COL22A1: variants seen among roughly 807,000 people sequenced by gnomAD.
COL22A1 encodes collagen alpha-1(XXII) chain.
In COL22A1, 221 loss-of-function variants were observed where a neutral mutation model predicts 248.9. The ratio of observed to expected loss-of-function variants is 0.89; its 90% CI spans 0.80 to 0.99. COL22A1 has a LOEUF of 0.99. COL22A1 is among the 50% of genes least tolerant of loss of function. The probability of loss-of-function intolerance (pLI) is 0.00; values close to 1 mark genes in which losing one functional copy is unlikely to be tolerated. For synonymous variants in COL22A1, 891 were observed against 793.4 expected (o/e 1.12, Z -2.07); for missense variants, 2,240 against 2,179.0 (o/e 1.03, Z -0.56).
intron 32 of COL22A1, 83 bp downstream of exon 32, chr8:138,700,029 C>T: frequency 7.6e-7 from 1 of 1,324,180 alleles, no homozygotes; most frequent in East Asian, 2.3e-5. Flanking sequence ...CTCACCCCAC[C>T]CAGTCCAGGC....
intron 55 of COL22A1, among the ~76,000 whole-genome samples, chr8:138,614,477 C>T (rs1819148854): frequency 6.6e-6 from 1 of 152,156 alleles, no homozygotes; most frequent in Non-Finnish European, 1.5e-5. Flanking sequence ...GAAAAACACT[C>T]TAGAAAATGG....
At chr8:138,642,177 T>C (rs1489133035) in intron 47 of COL22A1, among the ~76,000 whole-genome samples, 1 of 152,208 alleles carries the variant, frequency 6.6e-6, no homozygotes, top group Admixed American at 6.5e-5. Context: ...CAGCTGTTAC[T>C]AAGGAGTATG....
chr8:138,853,313 C>CTTT (rs2131912960), intron 3 of COL22A1, among the ~76,000 whole-genome samples: 1 of 152,338 alleles, frequency 6.6e-6, no homozygotes, highest in Non-Finnish European at 1.5e-5. Context: ...GGGACAGCAA[C>CTTT]TATGTCAAAC....
chr8:138,784,578 A>T (rs1390169091), intron 12 of COL22A1, among the ~76,000 whole-genome samples: 5 of 152,204 alleles, frequency 3.3e-5, no homozygotes, highest in Non-Finnish European at 1.5e-5. Flanking sequence ...TACCCGATTA[A>T]ACACACATGC....
At chr8:138,692,566 G>A (rs923268310) in intron 35 of COL22A1, among the ~76,000 whole-genome samples, 4 of 151,638 alleles carry the variant, frequency 2.6e-5, no homozygotes, top group South Asian at 2.1e-4. Flanking sequence ...CTTGATGGCC[G>A]GGCAATGATC....
intron 7 of COL22A1, among the ~76,000 whole-genome samples, chr8:138,815,372 G>A (rs2064987493): frequency 6.6e-6 from 1 of 152,130 alleles, no homozygotes; most frequent in African/African-American, 2.4e-5. Context: ...TCTCAAGCAC[G>A]AAAGCCGAAC....
intron 36 of COL22A1, 86 bp downstream of exon 36, chr8:138,690,735 T>A: frequency 9.4e-7 from 1 of 1,066,440 alleles, no homozygotes. Context: ...CTTACTCCCA[T>A]GTATCCTACG....
At chr8:138,762,925 G>A (rs10103379) in intron 16 of COL22A1, among the ~76,000 whole-genome samples, 80,838 of 152,122 alleles carry the variant, frequency 0.53, 24,125 homozygotes, top group East Asian at 0.79. Flanking sequence ...GCTGGCTAGC[G>A]GTAAGCCACC....
chr8:138,764,084 C>T (rs1372184796), intron 16 of COL22A1, among the ~76,000 whole-genome samples: 3 of 152,132 alleles, frequency 2.0e-5, no homozygotes, highest in South Asian at 2.1e-4. Context: ...CTGCTTTTTC[C>T]GTTTGAGGTT....
chr8:138,690,591 T>C (rs970710590), intron 36 of COL22A1, among the ~76,000 whole-genome samples: 6 of 152,164 alleles, frequency 3.9e-5, no homozygotes, highest in Non-Finnish European at 8.8e-5. Flanking sequence ...ACAGACTTTC[T>C]GCAGATGCCA....
At chr8:138,851,744 C>A (rs1821660208) in intron 3 of COL22A1, among the ~76,000 whole-genome samples, 1 of 152,154 alleles carries the variant, frequency 6.6e-6, no homozygotes, top group Non-Finnish European at 1.5e-5. Context: ...GAGACCAAAC[C>A]TTCCTTCATC....
intron 42 of COL22A1, among the ~76,000 whole-genome samples, chr8:138,662,991 G>A (rs1161573360): frequency 4.0e-5 from 2 of 50,552 alleles, no homozygotes; most frequent in African/African-American, 8.6e-5. Context: ...ACTCCAGCCT[G>A]GTTGACAGAG....
intron 44 of COL22A1, among the ~76,000 whole-genome samples, chr8:138,658,744 T>A (rs148908587): frequency 4.3e-4 from 66 of 152,340 alleles, no homozygotes; most frequent in African/African-American, 1.4e-3. Context: ...GGGAAATGAC[T>A]GAACATGAGG....
intron 23 of COL22A1, among the ~76,000 whole-genome samples, chr8:138,734,459 C>A (rs1830955547): frequency 2.0e-5 from 3 of 152,176 alleles, no homozygotes. Context: ...AGAGGCCAGG[C>A]CCAGGCAAGG....
intron 1 of COL22A1, among the ~76,000 whole-genome samples, chr8:138,911,658 A>G (rs1815458143): frequency 6.6e-6 from 1 of 152,212 alleles, no homozygotes; most frequent in African/African-American, 2.4e-5. Flanking sequence ...AAATCTCCTG[A>G]TCATTTTATG....
At chr8:138,773,001 T>C (rs1834516864) in intron 16 of COL22A1, among the ~76,000 whole-genome samples, 1 of 152,266 alleles carries the variant, frequency 6.6e-6, no homozygotes, top group Admixed American at 6.5e-5. Context: ...GCGTGTGGCC[T>C]AGCTGCAGAC....
intron 17 of COL22A1, 77 bp downstream of exon 17, chr8:138,762,336 G>T: frequency 6.9e-7 from 1 of 1,447,894 alleles, no homozygotes; most frequent in Non-Finnish European, 9.7e-7. Flanking sequence ...GCTCTGTGGA[G>T]CTTTATGTGG....
At position 138,589,163 on chromosome 8, in the gene COL22A1, G is replaced by A. The variant is rs1334638463; in HGVS notation, c.*90C>T. 8 of 1,200,612 alleles carry A rather than the reference G, an allele frequency of 6.7e-6. No homozygotes were observed. The highest frequency in any genetic ancestry group is 5.2e-5 in the East Asian group (2 of 38,800). 74.4% of individuals were successfully genotyped at this position (1,200,612 alleles called of 1,614,324 possible). ...GAAAGAAAAAAAAAAGGAACACATG[G>A]CTGAAGTCTTTCAAGACCTCTGGCT... On this transcript the variant is annotated 3_prime_UTR_variant, in exon 65 of 65. Coordinates refer to ENST00000303045, the MANE Select transcript of COL22A1 (RefSeq NM_152888.3).
rs1357806821 is a variant in COL22A1, at chr8:138,662,066, A to T, written c.3204T>A (p.Pro1068=). 4 of 1,612,472 alleles carry T rather than the reference A, an allele frequency of 2.5e-6. No individual in the cohort carries two copies. Among genetic ancestry groups the T allele is most frequent in the Non-Finnish European group, 3.4e-6 (4 of 1,179,316 alleles). ...DKGSPGSRGL[P]GFPGPQGPAG... ...CTGGGCCCTGGGGGCCAGGGAATCC[A>T]GGTAAGCCTCGTGATCCCTGAAGAA... Residue 1068 remains proline (P), a synonymous_variant, in exon 43 of 65, where the codon CCT becomes CCA. Coordinates refer to ENST00000303045, the MANE Select transcript of COL22A1 (RefSeq NM_152888.3).
Sources: allele counts gnomAD v4.1 joint callset (sites outside exome capture counted in the v4.1 genomes callset), GRCh38; gene constraint gnomAD v4.1.1; transcripts MANE v1.5; gene names NCBI Gene and HGNC (gene_info 2026-07-23, HGNC 2026-07-21).